UBE3B: variants seen among roughly 807,000 people sequenced by gnomAD.
The protein encoded by UBE3B is ubiquitin-protein ligase E3B.
In UBE3B, 80 loss-of-function variants were observed where a neutral mutation model predicts 132.3. That is an observed-to-expected ratio of 0.60 (90% CI 0.50 to 0.73). The LOEUF (loss-of-function observed/expected upper bound fraction) is 0.73. UBE3B is among the 30% of genes least tolerant of loss of function. The probability of loss-of-function intolerance (pLI) is 0.00; values close to 1 mark genes in which losing one functional copy is unlikely to be tolerated. For missense variants in UBE3B, 1,196 were observed against 1,362.5 expected (o/e 0.88, Z 1.92); for synonymous variants, 487 against 520.4 (o/e 0.94, Z 0.87).
chr12:109,501,494 C>T lies in UBE3B; in HGVS notation c.1242C>T (p.His414=), dbSNP rs751307576. 7.4e-6 allele frequency: 12 copies of T among 1,614,166 alleles called. No individual in the cohort carries two copies. The highest frequency in any genetic ancestry group is 2.2e-5 in the East Asian group (1 of 44,880). Residue 414 remains histidine (H), a synonymous_variant, in exon 13 of 28, where the codon CAC becomes CAT. Transcript: ENST00000342494. ...KKLLESQEPA[H]AQPASPQNVL... ...TACTGGAGAGCCAGGAGCCAGCCCA[C>T]GCACAGCCAGCATCCCCTCAGAATG...
the UBE3B span, among the ~76,000 whole-genome samples, chr12:109,542,875 G>C: frequency 1.3e-5 from 2 of 152,186 alleles, no homozygotes; most frequent in Admixed American, 1.3e-4. Context: ...ATGGTGCTTT[G>C]TTCCGTCAGC....
At chr12:109,498,035 G>A in intron 10 of UBE3B, 112 bp downstream of exon 10, 1 of 1,351,614 alleles carries the variant, frequency 7.4e-7, no homozygotes, top group African/African-American at 1.4e-5. Flanking sequence ...CCCTTTAATT[G>A]TTCTTTGGGA....
At position 109,483,868 on chromosome 12, in the gene UBE3B, A is replaced by G; in HGVS notation, c.169A>G (p.Ile57Val). ...SRLQRDIRRE[I>V]DDFFKADDPE... The stretch of plus-strand genomic sequence containing the variant: ...TTGCACTTTCTTTTCTAGGAGAGAG[A>G]TTGATGACTTTTTTAAAGCAGATGA... The change falls in exon 4 of 28, where the codon ATT becomes GTT. Residue 57 changes from isoleucine (I) to valine (V), a missense_variant. Ile to Val is a conservative substitution (Grantham distance 29). Coordinates refer to ENST00000342494, the MANE Select transcript of UBE3B (RefSeq NM_130466.4). 1 of 1,610,486 alleles carries G rather than the reference A, an allele frequency of 6.2e-7. No individual in the cohort carries two copies.
chr12:109,527,631 G>A (rs964627140), intron 24 of UBE3B, among the ~76,000 whole-genome samples: 8 of 152,180 alleles, frequency 5.3e-5, no homozygotes, highest in Admixed American at 3.3e-4. Context: ...GAAATACACC[G>A]GCCTTGCTCC....
At chr12:109,493,645 A>C (rs1877781343) in intron 9 of UBE3B, among the ~76,000 whole-genome samples, 1 of 152,194 alleles carries the variant, frequency 6.6e-6, no homozygotes, top group African/African-American at 2.4e-5. Context: ...GGACCTTTTA[A>C]AGTAAGATAT....
At chr12:109,523,565 G>A (rs1043009579) in intron 21 of UBE3B, among the ~76,000 whole-genome samples, 2 of 152,184 alleles carry the variant, frequency 1.3e-5, no homozygotes, top group African/African-American at 4.8e-5. Flanking sequence ...CTGCCTTTGG[G>A]GGAGAGCTTA....
intron 11 of UBE3B, 95 bp downstream of exon 11, chr12:109,498,448 T>C (rs1645482180): frequency 7.0e-7 from 1 of 1,434,098 alleles, no homozygotes; most frequent in Non-Finnish European, 9.5e-7. Context: ...GGTTGTTTTC[T>C]GTAACAATTG....
chr12:109,501,869 G>A (rs1879046755), intron 13 of UBE3B, among the ~76,000 whole-genome samples: 1 of 150,374 alleles, frequency 6.7e-6, no homozygotes, highest in African/African-American at 2.5e-5. Context: ...TTACCTTATT[G>A]CCCAGGTTTG....
Position 109,483,598 on chromosome 12 carries a change from C to T in UBE3B, c.47C>T (p.Ala16Val). The T allele has an allele frequency of 6.2e-7, 1 of 1,610,974 alleles. No individual in the cohort carries two copies. Among genetic ancestry groups the T allele is most frequent in the Non-Finnish European group, 8.5e-7 (1 of 1,179,052 alleles). Reference protein sequence around the residue: ...QTSRAWFIDRARQAREERLVQ... With the variant: ...QTSRAWFIDRVRQAREERLVQ... The stretch of plus-strand genomic sequence containing the variant: ...TCGAGAGCATGGTTCATCGATAGAG[C>T]CCGTCAGGCACGAGAAGAAAGGCTT... Residue 16 changes from alanine (A) to valine (V), a missense_variant, in exon 3 of 28, where the codon GCC (alanine) becomes GTC (valine). Physicochemically the swap from Ala to Val is moderately conservative, Grantham distance 64 (BLOSUM62 0). Coordinates refer to ENST00000342494, the MANE Select transcript of UBE3B (RefSeq NM_130466.4).
chr12:109,517,849 T>C, intron 19 of UBE3B: 1 of 384,194 alleles, frequency 2.6e-6, no homozygotes, highest in Non-Finnish European at 5.5e-6. Flanking sequence ...CAGCAGCTGT[T>C]CCTCCTCACG....
chr12:109,501,615 G>T (rs1217251508), intron 13 of UBE3B, 81 bp downstream of exon 13: 9 of 1,498,376 alleles, frequency 6.0e-6, no homozygotes, highest in African/African-American at 1.4e-5. Context: ...TGGATGTTCC[G>T]CTGTGTTTGT....
chr12:109,485,114 A>G (rs149733737), intron 4 of UBE3B, among the ~76,000 whole-genome samples: 166 of 152,348 alleles, frequency 1.1e-3, no homozygotes, highest in Middle Eastern at 3.4e-3. Context: ...CAAATCATAC[A>G]AAAGGTGCCA....
chr12:109,533,449 C>G lies in UBE3B; in HGVS notation c.2923-17C>G. 6.2e-7 allele frequency: 1 copy of G among 1,612,696 alleles called. No homozygotes were observed. Among genetic ancestry groups the G allele is most frequent in the Non-Finnish European group, 8.5e-7 (1 of 1,178,704 alleles). On this transcript the variant is annotated splice_polypyrimidine_tract_variant and intron_variant, in intron 26 of 27. Transcript: ENST00000342494. ...AGGAGCCTGCCCCGTCCCCACTGACCCTGCTTTGTGTTGCAGTTCGTGACC... is the reference window on the plus strand; with the variant it reads ...AGGAGCCTGCCCCGTCCCCACTGACGCTGCTTTGTGTTGCAGTTCGTGACC...
chr12:109,533,147 C>T (rs1298982357), intron 26 of UBE3B, among the ~76,000 whole-genome samples: 1 of 152,202 alleles, frequency 6.6e-6, no homozygotes, highest in African/African-American at 2.4e-5. Flanking sequence ...ACCTGCCTCT[C>T]GGGGACGCCT....
rs547189069 is a variant in UBE3B at position 109,535,776 on chromosome 12, G to A, written c.*994G>A. 6.6e-6 allele frequency: 1 copy of A among 152,190 alleles called. No individual in the cohort carries two copies. Among genetic ancestry groups the A allele is most frequent in the African/African-American group, 2.4e-5 (1 of 41,510 alleles). 9.4% of individuals were successfully genotyped at this position (152,190 alleles called of 1,614,324 possible). On this transcript the variant is annotated 3_prime_UTR_variant, in exon 28 of 28. Coordinates refer to ENST00000342494, the MANE Select transcript of UBE3B (RefSeq NM_130466.4). ...CTCAGCACAGGGAACCCGGAAGCCC[G>A]TTGCACTGACAGAGGCTCACACCCT...
At chr12:109,490,341 T>C (rs753118621) in intron 8 of UBE3B, 116 of 1,428,006 alleles carry the variant, frequency 8.1e-5, no homozygotes, top group Non-Finnish European at 1.0e-4. Flanking sequence ...TCTAGCTCTG[T>C]GTCCTCAAAC....
At chr12:109,506,625 A>G (rs896895280) in intron 14 of UBE3B, among the ~76,000 whole-genome samples, 2 of 152,238 alleles carry the variant, frequency 1.3e-5, no homozygotes, top group Non-Finnish European at 2.9e-5. Context: ...TGCTGGGATT[A>G]CAGGCGTGAG....
In UBE3B at chr12:109,490,681, G is replaced by A; in HGVS notation, c.631-364G>A. 3 of 1,471,104 alleles carry A rather than the reference G, an allele frequency of 2.0e-6. No individual in the cohort carries two copies. The South Asian group carries it at 4.1e-5, about 20-fold the overall frequency. The allele number at this position is 1,471,104 out of a possible 1,614,324, so 91.1% of individuals were successfully genotyped here. ...TTTAAGTCTGGCATTATTTGTATTA[G>A]CTGTTTTTTTAACTTTATTATTAAA... On this transcript the variant is annotated intron_variant, in intron 8 of 27. Transcript: ENST00000342494.
chr12:109,534,022 C>T lies in UBE3B; in HGVS notation c.3015+464C>T. 1.5e-6 allele frequency: 2 copies of T among 1,295,078 alleles called. No individual in the cohort carries two copies. The highest frequency in any genetic ancestry group is 2.0e-6 in the Non-Finnish European group (2 of 993,040). 80.2% of individuals were successfully genotyped at this position (1,295,078 alleles called of 1,614,324 possible). On this transcript the variant is annotated intron_variant, in intron 27 of 27. Coordinates refer to ENST00000342494, the MANE Select transcript of UBE3B (RefSeq NM_130466.4). The surrounding 1 kb of genome is among the most constrained non-coding windows in gnomAD (Gnocchi z 5.2). ...AAGGAAAGCCTTCAGGGTTACGGAG[C>T]TCTGTGTGTCTCAAGCCTGGCCCAC...
Sources: gnomAD v4.1 joint callset for allele counts (sites outside exome capture counted in the v4.1 genomes callset) on GRCh38, gnomAD v4.1.1 for gene constraint, Gnocchi (gnomAD v3.1) non-coding constraint, MANE v1.5 for transcripts, NCBI Gene and HGNC (gene_info 2026-07-23, HGNC 2026-07-21) for gene names.